RYR2: variants seen among roughly 807,000 people sequenced by gnomAD.
The protein encoded by RYR2 is cardiac muscle ryanodine receptor-calcium release channel.
In RYR2, 227 loss-of-function variants were observed where a neutral mutation model predicts 601.1. The observed-to-expected ratio is 0.38, with a 90% CI of 0.34 to 0.42. The LOEUF (loss-of-function observed/expected upper bound fraction) is 0.42, where lower values mean the gene tolerates loss of function less well. RYR2 is among the 10% of genes least tolerant of loss of function. The pLI is 1.00. For missense variants in RYR2, 4,646 were observed against 6,156.5 expected, an observed-to-expected ratio of 0.75 and a Z score of 8.21; for synonymous variants, 2,223 against 2,175.1, an observed-to-expected ratio of 1.02 and a Z score of -0.61.
At chr1:237,362,643 C>A (rs1389790661) in intron 4 of RYR2, among the ~76,000 whole-genome samples, 1 of 152,084 alleles carries the variant, frequency 6.6e-6, no homozygotes, top group East Asian at 1.9e-4. Flanking sequence ...TAAACGATCC[C>A]TTTGAATGTC....
At position 237,427,430 on chromosome 1, in the gene RYR2, G is replaced by A. The variant is rs543193390; in HGVS notation, c.1005+4182G>A. ...GCAGCATAAATTATGCTGACATTAA[G>A]AGGCACATCTAAAACAACTTTATTT... On this transcript the variant is annotated intron_variant, in intron 12 of 104. Transcript: ENST00000366574. Among the ~76,000 whole-genome samples, 15 of 152,228 alleles carry A rather than the reference G, an allele frequency of 9.9e-5. 1 individual carries two copies. Among genetic ancestry groups the A allele is most frequent in the African/African-American group, 3.6e-4 (15 of 41,544 alleles).
At chr1:237,301,446 T>C (rs16835124) in intron 2 of RYR2, among the ~76,000 whole-genome samples, 4,693 of 152,264 alleles carry the variant, frequency 0.031, 157 homozygotes, top group African/African-American at 0.081. Flanking sequence ...TACCAGTCAC[T>C]GTAGGAAAGT....
chr1:237,195,248 A>T (rs6673714), intron 1 of RYR2, among the ~76,000 whole-genome samples: 4,733 of 152,302 alleles, frequency 0.031, 261 homozygotes, highest in African/African-American at 0.11. Context: ...TGAAAATTAA[A>T]TGACCCAATA....
At chr1:237,446,826 T>A (rs979029054) in intron 14 of RYR2, among the ~76,000 whole-genome samples, 1 of 152,220 alleles carries the variant, frequency 6.6e-6, no homozygotes, top group Non-Finnish European at 1.5e-5. Context: ...TTACTTGTAT[T>A]ACTTTTCAGT....
intron 24 of RYR2, among the ~76,000 whole-genome samples, chr1:237,525,307 C>T (rs1330040121): frequency 6.6e-6 from 1 of 152,078 alleles, no homozygotes; most frequent in African/African-American, 2.4e-5. Flanking sequence ...CATTCTTTTT[C>T]GTGGCTGTAT....
chr1:237,409,683 G>A (rs1420621834), intron 10 of RYR2, among the ~76,000 whole-genome samples: 2 of 152,006 alleles, frequency 1.3e-5, no homozygotes, highest in Non-Finnish European at 2.9e-5. Context: ...AAATTCTATG[G>A]TATATTCATT....
intron 97 of RYR2, among the ~76,000 whole-genome samples, chr1:237,798,475 A>T (rs1659544780): frequency 6.6e-6 from 1 of 152,160 alleles, no homozygotes. Flanking sequence ...AGTAAAACAC[A>T]TGCAAAAACT....
chr1:237,478,874 G>A (rs751224255), intron 17 of RYR2, among the ~76,000 whole-genome samples: 4 of 152,130 alleles, frequency 2.6e-5, no homozygotes, highest in Admixed American at 6.5e-5. Flanking sequence ...GGGGGCCAGC[G>A]GGATGGATAG....
chr1:237,437,592 A>C (rs1314428309), intron 12 of RYR2, among the ~76,000 whole-genome samples: 1 of 152,202 alleles, frequency 6.6e-6, no homozygotes, highest in Non-Finnish European at 1.5e-5. Flanking sequence ...GGTGAATGAT[A>C]GTCAAGTGGA....
Position 237,209,600 on chromosome 1 carries a change from C to G in RYR2, c.49-60897C>G, listed in dbSNP as rs981821193. 6.6e-5 allele frequency among the ~76,000 whole-genome samples: 10 copies of G among 151,652 alleles called. No individual in the cohort carries two copies. In the South Asian group the frequency reaches 2.1e-3, roughly 32 times the overall value. ...GGGCACAGTGGCTTCTGCCTGTAAT[C>G]CCAGCACATTGGGAGGCTGAGGCAG... On this transcript the variant is annotated intron_variant, in intron 1 of 104. Coordinates refer to ENST00000366574, the MANE Select transcript of RYR2 (RefSeq NM_001035.3).
At chr1:237,596,387 A>G (rs1314434569) in intron 34 of RYR2, among the ~76,000 whole-genome samples, 2 of 152,234 alleles carry the variant, frequency 1.3e-5, no homozygotes, top group African/African-American at 2.4e-5. Flanking sequence ...TTGTAACTCA[A>G]GAATTCAATA....
At position 237,788,099 on chromosome 1, in the gene RYR2, C is replaced by T; in HGVS notation, c.13440C>T (p.Phe4480=). 1 of 1,611,722 alleles carries T rather than the reference C, an allele frequency of 6.2e-7. No homozygotes were observed. Among genetic ancestry groups the T allele is most frequent in the Non-Finnish European group, 8.5e-7 (1 of 1,178,922 alleles). ...AACCAGAAGTGCCAGAGTCAGCATT[C>T]TGGAAGAAAATCATAGCATATCAAC... ...YGEPEVPESA[F]WKKIIAYQQK... The change falls in exon 92 of 105, where the codon TTC becomes TTT. Residue 4480 remains phenylalanine, a synonymous_variant. Coordinates refer to ENST00000366574, the MANE Select transcript of RYR2 (RefSeq NM_001035.3).
At chr1:237,507,668 C>A (rs747216830) in intron 23 of RYR2, among the ~76,000 whole-genome samples, 44 of 152,168 alleles carry the variant, frequency 2.9e-4, no homozygotes, top group Admixed American at 1.8e-3. Flanking sequence ...ATTATTAGGT[C>A]AAATTGTCAT....
chr1:237,789,232 C>G (rs1017351865), intron 92 of RYR2, among the ~76,000 whole-genome samples: 1 of 151,886 alleles, frequency 6.6e-6, no homozygotes, highest in African/African-American at 2.4e-5. Flanking sequence ...CTTGAGAAAT[C>G]AAAAATTGAC....
chr1:237,411,539 G>A (rs1434487770), intron 10 of RYR2, among the ~76,000 whole-genome samples: 1 of 152,062 alleles, frequency 6.6e-6, no homozygotes, highest in Non-Finnish European at 1.5e-5. Flanking sequence ...TATAAATTAT[G>A]ACCACAATCA....
At chr1:237,388,207 T>C in intron 10 of RYR2, 24 bp downstream of exon 10, 1 of 1,585,016 alleles carries the variant, frequency 6.3e-7, no homozygotes, top group South Asian at 1.1e-5. Context: ...CTCATTGCAT[T>C]GAGACTTGCA....
intron 24 of RYR2, among the ~76,000 whole-genome samples, chr1:237,525,640 G>A (rs3121872): frequency 0.48 from 72,126 of 151,266 alleles, 17,411 homozygotes; most frequent in East Asian, 0.6. Flanking sequence ...TAGTAGAGAC[G>A]GGGTTTCACC....
chr1:237,791,979 G>A, intron 93 of RYR2, 126 bp from the exon 94 acceptor site: 1 of 678,346 alleles, frequency 1.5e-6, no homozygotes, highest in Non-Finnish European at 2.5e-6. Flanking sequence ...TTTGCTATTA[G>A]TCCTTTCATT....
chr1:237,271,369 A>C (rs1026877108), intron 2 of RYR2, among the ~76,000 whole-genome samples: 1 of 152,202 alleles, frequency 6.6e-6, no homozygotes, highest in Non-Finnish European at 1.5e-5. Flanking sequence ...TAATATCAGC[A>C]TAGATTTTCT....
Sources: allele counts gnomAD v4.1 joint callset (sites outside exome capture counted in the v4.1 genomes callset), GRCh38; gene constraint gnomAD v4.1.1; transcripts MANE v1.5; gene names NCBI Gene and HGNC (gene_info 2026-07-23, HGNC 2026-07-21).